The following CDH12 variants were observed in gnomAD, a reference collection of about 807,000 sequenced individuals.
The protein encoded by CDH12 is cadherin-12.
In CDH12, 41 loss-of-function variants were observed where a neutral mutation model predicts 74.1. The observed-to-expected ratio is 0.55, with a 90% CI of 0.43 to 0.72. The LOEUF (loss-of-function observed/expected upper bound fraction) is 0.72, where lower values mean the gene tolerates loss of function less well. Among genes scored for constraint, CDH12 ranks in the 30% least tolerant of loss-of-function variants. The pLI, the probability that CDH12 is intolerant of heterozygous loss-of-function variation, is 0.00. For missense variants in CDH12, 945 were observed against 977.2 expected (o/e 0.97, Z 0.44); for synonymous variants, 399 against 355.0 (o/e 1.12, Z -1.39).
intron 2 of CDH12, among the ~76,000 whole-genome samples, chr5:22,488,074 T>C (rs1746683946): frequency 6.6e-6 from 1 of 152,216 alleles, no homozygotes; most frequent in African/African-American, 2.4e-5. Flanking sequence ...GTGTAACTCA[T>C]AGGAAAGTAC....
At chr5:22,161,616 C>T (rs1173015010) in intron 4 of CDH12, among the ~76,000 whole-genome samples, 1 of 151,734 alleles carries the variant, frequency 6.6e-6, no homozygotes, top group Non-Finnish European at 1.5e-5. Context: ...TGGATGAGCT[C>T]AGGAGTTCAA....
At chr5:22,671,189 C>A (rs1044438779) in intron 1 of CDH12, among the ~76,000 whole-genome samples, 4 of 152,088 alleles carry the variant, frequency 2.6e-5, no homozygotes, top group African/African-American at 9.7e-5. Flanking sequence ...ACCCATGACA[C>A]CACCACCATA....
At chr5:22,658,920 T>C (rs1290888416) in intron 1 of CDH12, among the ~76,000 whole-genome samples, 1 of 152,180 alleles carries the variant, frequency 6.6e-6, no homozygotes, top group Non-Finnish European at 1.5e-5. Context: ...TAGGGGGGGA[T>C]GTATTTTATT....
At position 22,080,085 on chromosome 5, in the gene CDH12, C is replaced by T. The variant is rs1034155487; in HGVS notation, c.-186-1223G>A. ...ATTTGGCACTAGGGTCACAGTGCTT[C>T]GAGCCTATAAGGTTTCTAAAGGCCG... On this transcript the variant is annotated intron_variant, in intron 4 of 14. Coordinates refer to ENST00000382254, the MANE Select transcript of CDH12 (RefSeq NM_004061.5). 2.6e-5 allele frequency among the ~76,000 whole-genome samples: 4 copies of T among 152,132 alleles called. No individual in the cohort carries two copies. The East Asian group carries it at 5.8e-4, about 22-fold the overall frequency.
chr5:22,264,717 A>G (rs1168454376), intron 3 of CDH12, among the ~76,000 whole-genome samples: 2 of 152,136 alleles, frequency 1.3e-5, no homozygotes, highest in African/African-American at 4.8e-5. Flanking sequence ...TTAGAGACAC[A>G]ATTACAGCTA....
intron 5 of CDH12, among the ~76,000 whole-genome samples, chr5:22,011,627 T>C (rs1275975074): frequency 6.6e-6 from 1 of 152,318 alleles, no homozygotes; most frequent in African/African-American, 2.4e-5. Flanking sequence ...CTTTGTATAC[T>C]AACTTAGTCC....
chr5:21,972,372 G>A (rs1304048761), intron 6 of CDH12, among the ~76,000 whole-genome samples: 1 of 151,886 alleles, frequency 6.6e-6, no homozygotes, highest in African/African-American at 2.4e-5. Context: ...CACAACAATT[G>A]GTATACTGTC....
At chr5:22,680,547 A>C (rs1008727425) in intron 1 of CDH12, among the ~76,000 whole-genome samples, 1 of 152,080 alleles carries the variant, frequency 6.6e-6, no homozygotes, top group East Asian at 1.9e-4. Context: ...AAGCTGGAAA[A>C]TGACAGGGTC....
intron 1 of CDH12, among the ~76,000 whole-genome samples, chr5:22,724,474 C>A (rs1206805627): frequency 6.6e-6 from 1 of 151,814 alleles, no homozygotes; most frequent in African/African-American, 2.4e-5. Flanking sequence ...ATAAGTGAGA[C>A]CATATGACAT....
intron 3 of CDH12, among the ~76,000 whole-genome samples, chr5:22,354,789 T>A (rs1463901195): frequency 6.6e-6 from 1 of 152,172 alleles, no homozygotes; most frequent in Non-Finnish European, 1.5e-5. Context: ...CTCTTTTATA[T>A]CCCCATTATA....
At chr5:22,207,998 G>T (rs1177457939) in intron 4 of CDH12, among the ~76,000 whole-genome samples, 1 of 152,064 alleles carries the variant, frequency 6.6e-6, no homozygotes, top group Non-Finnish European at 1.5e-5. Flanking sequence ...ACTACAATAG[G>T]ATAGGTACTG....
At chr5:21,965,975 C>A (rs1286005766) in intron 6 of CDH12, among the ~76,000 whole-genome samples, 5 of 151,760 alleles carry the variant, frequency 3.3e-5, no homozygotes, top group Admixed American at 2.6e-4. Flanking sequence ...AAAAAGAAAC[C>A]TTTACCATGA....
chr5:22,646,701 A>G (rs1488163625), intron 1 of CDH12, among the ~76,000 whole-genome samples: 4 of 151,960 alleles, frequency 2.6e-5, no homozygotes, highest in Non-Finnish European at 5.9e-5. Flanking sequence ...GGCTCAGATC[A>G]CAGGAACAAT....
At chr5:22,276,628 T>C (rs777590646) in intron 3 of CDH12, among the ~76,000 whole-genome samples, 1 of 152,228 alleles carries the variant, frequency 6.6e-6, no homozygotes, top group African/African-American at 2.4e-5. Flanking sequence ...ATAATAGTTA[T>C]GTTTATTTAA....
At chr5:21,867,676 C>G (rs1027429468) in intron 6 of CDH12, among the ~76,000 whole-genome samples, 1 of 152,178 alleles carries the variant, frequency 6.6e-6, no homozygotes, top group African/African-American at 2.4e-5. Context: ...CCCATTGTAT[C>G]TAGGAAGTAA....
chr5:22,608,379 G>A (rs1013754671), intron 1 of CDH12, among the ~76,000 whole-genome samples: 3 of 152,104 alleles, frequency 2.0e-5, no homozygotes, highest in African/African-American at 4.8e-5. Context: ...CATTTTGATC[G>A]ATTTCTCCCA....
chr5:22,142,743 AT>A (rs756624854), intron 4 of CDH12: 27 of 289,306 alleles, frequency 9.3e-5, no homozygotes, highest in Non-Finnish European at 1.2e-4. Flanking sequence ...AGTTCTTATC[AT>A]TTTGGTTTAC....
chr5:22,454,258 A>C (rs2126569168), intron 2 of CDH12, among the ~76,000 whole-genome samples: 1 of 152,302 alleles, frequency 6.6e-6, no homozygotes, highest in South Asian at 2.1e-4. Context: ...TTAAACTAAC[A>C]ATTAGTCTTT....
chr5:22,337,961 A>G (rs1424905337), intron 3 of CDH12, among the ~76,000 whole-genome samples: 1 of 152,156 alleles, frequency 6.6e-6, no homozygotes, highest in Non-Finnish European at 1.5e-5. Flanking sequence ...ACCTTTGTAC[A>G]CTGTTGGTGG....
Sources: allele counts gnomAD v4.1 joint callset (sites outside exome capture counted in the v4.1 genomes callset), GRCh38; gene constraint gnomAD v4.1.1; transcripts MANE v1.5; gene names NCBI Gene and HGNC (gene_info 2026-07-23, HGNC 2026-07-21).